Variants in KRTAP4-9 observed in about 807,000 individuals in gnomAD.
The protein encoded by KRTAP4-9 is keratin associated protein 4-9, also known as keratin-associated protein 4-9.
In KRTAP4-9, 4 loss-of-function variants were observed where a neutral mutation model predicts 4.3. That is an observed-to-expected ratio of 0.94 (90% CI 0.46 to 2.15). The LOEUF (loss-of-function observed/expected upper bound fraction) is 2.15, where lower values mean the gene tolerates loss of function less well. Among genes scored for constraint, KRTAP4-9 ranks in the 30% most tolerant of loss-of-function variants. KRTAP4-9 has a pLI of 0.02. For missense variants in KRTAP4-9, 297 were observed against 278.5 expected, an observed-to-expected ratio of 1.07 and a Z score of -0.47; for synonymous variants, 111 against 99.2, an observed-to-expected ratio of 1.12 and a Z score of -0.70.
chr17:41,106,045 C>G, exon 1 of KRTAP4-9: 1 of 1,555,202 alleles, frequency 6.4e-7, no homozygotes, highest in Non-Finnish European at 8.7e-7. Flanking sequence ...GCTTATCTCC[C>G]CCTTCACCAC....
chr17:41,106,230 G>C, exon 1 of KRTAP4-9: 1 of 892,600 alleles, frequency 1.1e-6, no homozygotes, highest in Non-Finnish European at 1.7e-6. Context: ...TTTTTCTTCC[G>C]GTGGTGGCAC....
exon 1 of KRTAP4-9, chr17:41,106,108 T>C: frequency 6.8e-7 from 1 of 1,472,990 alleles, no homozygotes; most frequent in Non-Finnish European, 9.0e-7. Context: ...ATACAGGAAG[T>C]GGGGTTGATG....
At position 41,105,477 on chromosome 17, in the gene KRTAP4-9, G is replaced by T. The variant is rs778779164; in HGVS notation, c.89G>T (p.Cys30Phe). 4.4e-6 allele frequency: 7 copies of T among 1,604,354 alleles called. No individual in the cohort carries two copies. In the South Asian group the frequency reaches 6.6e-5, roughly 15 times the overall value. Residue 30 changes from cysteine (C) to phenylalanine (F), a missense_variant, in exon 1 of 1, where the codon TGT becomes TTT. Transcript: ENST00000391415. Reference sequence around the variant, plus strand: ...GAGACCTGCTGCCGCCCCAGCTGCTGTGAGACCACCTGCTGCAGGACCACC... The same window carrying T: ...GAGACCTGCTGCCGCCCCAGCTGCTTTGAGACCACCTGCTGCAGGACCACC...
In KRTAP4-9 at chr17:41,105,575, A is replaced by G. The variant is rs749676012; in HGVS notation, c.187A>G (p.Thr63Ala). ...CTGCCAGTCTGTGTGCTGCCAACCC[A>G]CTTGTTCCCGCCCCAGCTGCTGTCA... Residue 63 changes from threonine to alanine, a missense_variant, in exon 1 of 1, where the codon ACT becomes GCT. By Grantham distance (58) the Thr-to-Ala change is moderately conservative. Coordinates refer to ENST00000391415, the Ensembl canonical transcript of KRTAP4-9. The G allele has an allele frequency of 2.6e-6, 4 of 1,568,294 alleles. 1 individual carries two copies. The Admixed American group carries it at 7.6e-5, about 30-fold the overall frequency.
chr17:41,105,496 G>A (rs1355085493), exon 1 of KRTAP4-9: 3 of 1,566,102 alleles, frequency 1.9e-6, no homozygotes, highest in South Asian at 2.2e-5. Flanking sequence ...CCTGCTGCAG[G>A]ACCACCTGCT....
exon 1 of KRTAP4-9, chr17:41,105,587 C>T (rs765082330): frequency 5.7e-6 from 9 of 1,568,116 alleles, no homozygotes; most frequent in South Asian, 1.1e-5. Context: ...TTGTTCCCGC[C>T]CCAGCTGCTG....
exon 1 of KRTAP4-9, chr17:41,105,439 A>T: frequency 6.2e-7 from 1 of 1,613,352 alleles, no homozygotes; most frequent in Non-Finnish European, 8.5e-7. Context: ...GCTGCGGCCA[A>T]GACCTCTGTC....
At position 41,105,980 on chromosome 17, in the gene KRTAP4-9, A is replaced by C. The variant is rs748164598; in HGVS notation, c.592A>C (p.Ser198Arg). 3.3e-5 allele frequency: 52 copies of C among 1,596,158 alleles called. No individual in the cohort carries two copies. The African/African-American group carries it at 5.8e-4, about 18-fold the overall frequency. ...CTATCGCCCAACCTGTGTCATCTCC[A>C]GCTGCCCCCGCCCCTTGTGCTGTGC... Residue 198 changes from serine to arginine, a missense_variant, in exon 1 of 1, where the codon AGC becomes CGC. Ser to Arg is a moderately radical substitution (Grantham distance 110). Coordinates refer to ENST00000391415, the Ensembl canonical transcript of KRTAP4-9.
exon 1 of KRTAP4-9, chr17:41,105,712 C>A: frequency 6.4e-7 from 1 of 1,573,088 alleles, no homozygotes; most frequent in Non-Finnish European, 8.6e-7. Flanking sequence ...GTCGCCCCAG[C>A]TGCTGTGAGA....
At chr17:41,106,064 A>T in exon 1 of KRTAP4-9, 2 of 1,536,314 alleles carry the variant, frequency 1.3e-6, no homozygotes, top group Non-Finnish European at 1.8e-6. Flanking sequence ...ACTGGCCCAC[A>T]GATGTAGACC....
exon 1 of KRTAP4-9, chr17:41,106,112 G>A: frequency 6.8e-7 from 1 of 1,470,480 alleles, no homozygotes; most frequent in African/African-American, 1.4e-5. Context: ...AGGAAGTGGG[G>A]TTGATGTCAT....
At chr17:41,105,761 T>C (rs772135469) in exon 1 of KRTAP4-9, 2 of 1,601,978 alleles carry the variant, frequency 1.2e-6, no homozygotes, top group Non-Finnish European at 1.7e-6. Context: ...CTCCAGCTGC[T>C]GTCGCCCCAG....
chr17:41,106,042 T>C (rs777883850), exon 1 of KRTAP4-9: 52 of 1,558,156 alleles, frequency 3.3e-5, no homozygotes, highest in Non-Finnish European at 3.0e-5. Context: ...CTGGCTTATC[T>C]CCCCCTTCAC....
Position 41,105,906 on chromosome 17 carries a change from G to GCTGCT in KRTAP4-9, c.519_523dup (p.Cys175SerfsTer89). The GCTGCT allele has an allele frequency of 6.2e-7, 1 of 1,608,498 alleles. No homozygotes were observed. Among genetic ancestry groups the GCTGCT allele is most frequent in the Non-Finnish European group, 8.5e-7 (1 of 1,177,558 alleles). On this transcript the variant is annotated frameshift_variant, in exon 1 of 1. Transcript: ENST00000391415. LOFTEE classifies it high-confidence loss of function. ...TGTGAATCCAGCTGCTGCCGCCCCT[G>GCTGCT]CTGCTGCGTGCGTCCAGTCTGTGGC...
chr17:41,106,324 C>G, exon 1 of KRTAP4-9: 1 of 536,738 alleles, frequency 1.9e-6, no homozygotes, highest in South Asian at 3.3e-5. Context: ...CTTTGAGGTA[C>G]AGATCTTCTT....
exon 1 of KRTAP4-9, chr17:41,105,423 A>G (rs1358673779): frequency 2.5e-6 from 4 of 1,612,012 alleles, no homozygotes; most frequent in East Asian, 4.5e-5. Context: ...GTGTGCTCTG[A>G]CCAGGGCTGC....
At chr17:41,106,154 C>G in exon 1 of KRTAP4-9, 2 of 1,390,050 alleles carry the variant, frequency 1.4e-6, no homozygotes, top group Non-Finnish European at 1.9e-6. Context: ...TTCCAATGAG[C>G]CCATCACCAT....
chr17:41,105,513 C>T, exon 1 of KRTAP4-9: 2 of 1,564,110 alleles, frequency 1.3e-6, no homozygotes, highest in Non-Finnish European at 1.7e-6. Context: ...TGCTGCCGCC[C>T]CAGCTGTTGT....
chr17:41,106,348 A>C, exon 1 of KRTAP4-9: 1 of 445,026 alleles, frequency 2.2e-6, no homozygotes, highest in African/African-American at 2.0e-5. Context: ...AGTGAGGCAG[A>C]CATTATCTGC....
Sources: gnomAD v4.1 joint callset for allele counts on GRCh38, gnomAD v4.1.1 for gene constraint, MANE v1.5 for transcripts, NCBI Gene and HGNC (gene_info 2026-07-23, HGNC 2026-07-21) for gene names.